ADGRB3: variants seen among roughly 807,000 people sequenced by gnomAD.
ADGRB3 encodes adhesion G protein-coupled receptor B3.
In ADGRB3, 37 loss-of-function variants were observed where a neutral mutation model predicts 193.4. The ratio of observed to expected loss-of-function variants is 0.19; its 90% CI spans 0.15 to 0.25. The LOEUF (loss-of-function observed/expected upper bound fraction) is 0.25, where lower values mean the gene tolerates loss of function less well. Ranked by LOEUF, ADGRB3 falls within the 10% of genes least tolerant of loss-of-function variation. The pLI, the probability that ADGRB3 is intolerant of heterozygous loss-of-function variation, is 1.00. For missense variants in ADGRB3, 1,637 were observed against 1,852.9 expected, an observed-to-expected ratio of 0.88 and a Z score of 2.14; for synonymous variants, 690 against 644.2, an observed-to-expected ratio of 1.07 and a Z score of -1.08.
At chr6:68,673,725 C>T (rs1261700310) in intron 3 of ADGRB3, among the ~76,000 whole-genome samples, 1 of 151,822 alleles carries the variant, frequency 6.6e-6, no homozygotes, top group Non-Finnish European at 1.5e-5. Context: ...GGGCTTTTTT[C>T]CAGACCCTTA....
chr6:68,661,261 T>C (rs1049782377), intron 3 of ADGRB3, among the ~76,000 whole-genome samples: 2 of 147,160 alleles, frequency 1.4e-5, no homozygotes, highest in Non-Finnish European at 3.0e-5. Context: ...TTTGCCATTA[T>C]TGGGAAGAAA....
intron 10 of ADGRB3, among the ~76,000 whole-genome samples, chr6:68,976,391 T>C (rs1209206786): frequency 6.6e-6 from 1 of 152,136 alleles, no homozygotes; most frequent in Non-Finnish European, 1.5e-5. Context: ...TCTGGAGAAT[T>C]ATTTCTGTCA....
chr6:68,835,806 G>A (rs1275744515), intron 3 of ADGRB3, among the ~76,000 whole-genome samples: 1 of 151,750 alleles, frequency 6.6e-6, no homozygotes, highest in East Asian at 1.9e-4. Context: ...TTTTTGCTTT[G>A]ATTTTGGTTA....
intron 15 of ADGRB3, among the ~76,000 whole-genome samples, chr6:69,060,245 TCTCTCC>T (rs1253660668): frequency 1.3e-5 from 2 of 151,438 alleles, no homozygotes; most frequent in South Asian, 2.1e-4. Context: ...TCTCTCTCTC[TCTCTCC>T]TCCTCTGTCT....
rs12199123 is a variant in ADGRB3 at position 68,791,051 on chromosome 6, A to C, written c.758-139508A>C. Among the ~76,000 whole-genome samples the C allele has an allele frequency of 4.8e-3, 178 of 37,104 alleles. 1 individual carries two copies. Among genetic ancestry groups the C allele is most frequent in the East Asian group, 0.045 (9 of 198 alleles). The allele number at this position is 37,104 out of a possible 152,430, so 24.3% of individuals were successfully genotyped here. On this transcript the variant is annotated intron_variant, in intron 3 of 31. Coordinates refer to ENST00000370598, the MANE Select transcript of ADGRB3 (RefSeq NM_001704.3). ...CAGCACAGTGAGACCACATCTCTTA[A>C]AAAAAAAAAAAAAAAGTCTTGTATC...
intron 17 of ADGRB3, among the ~76,000 whole-genome samples, chr6:69,199,696 C>T (rs75452214): frequency 0.091 from 13,817 of 152,006 alleles, 687 homozygotes; most frequent in Middle Eastern, 0.24. Context: ...AACAGTAACA[C>T]ATAGCTTGGG....
intron 3 of ADGRB3, among the ~76,000 whole-genome samples, chr6:68,724,429 G>T (rs963237842): frequency 6.6e-6 from 1 of 151,630 alleles, no homozygotes; most frequent in Non-Finnish European, 1.5e-5. Flanking sequence ...GTCCTAGGAA[G>T]AAAGTTCTAA....
chr6:69,089,988 C>G (rs901980550), intron 17 of ADGRB3, among the ~76,000 whole-genome samples: 19 of 152,206 alleles, frequency 1.2e-4, no homozygotes, highest in Non-Finnish European at 1.2e-4. Flanking sequence ...AGAATAACAA[C>G]CTCTTGGAGC....
At chr6:68,748,093 C>T (rs12197039) in intron 3 of ADGRB3, among the ~76,000 whole-genome samples, 59,846 of 151,634 alleles carry the variant, frequency 0.39, 12,477 homozygotes, top group African/African-American at 0.53. Context: ...TTGGGTCCCT[C>T]CCACACACAT....
rs184275706 is a variant in ADGRB3, at chr6:69,283,340, G to C, written c.2815-41532G>C. Among the ~76,000 whole-genome samples the C allele has an allele frequency of 1.2e-3, 188 of 152,286 alleles. 2 individuals carry two copies. In the South Asian group the frequency reaches 0.019, roughly 15 times the overall value. On this transcript the variant is annotated intron_variant, in intron 20 of 31. Transcript: ENST00000370598. ...AGAGAGCAGCCCAGACCTGGGGCCTGCAGACAATTTCATGCTTCACCCTTT... is the reference window on the plus strand; with the variant it reads ...AGAGAGCAGCCCAGACCTGGGGCCTCCAGACAATTTCATGCTTCACCCTTT...
chr6:69,202,076 C>T (rs1461112966), intron 17 of ADGRB3, among the ~76,000 whole-genome samples: 1 of 152,116 alleles, frequency 6.6e-6, no homozygotes, highest in Non-Finnish European at 1.5e-5. Context: ...AGTCCTTCCT[C>T]AGTGTTCTAC....
rs180703002 is a variant in ADGRB3 at position 69,211,983 on chromosome 6, A to G, written c.2481-21307A>G. ...GAGAAATGTACAGAGAGATAAGCTCAAGTTTATACTTTGTTATTTGATTTA... is the reference window on the plus strand; with the variant it reads ...GAGAAATGTACAGAGAGATAAGCTCGAGTTTATACTTTGTTATTTGATTTA... On this transcript the variant is annotated intron_variant, in intron 17 of 31. Coordinates refer to ENST00000370598, the MANE Select transcript of ADGRB3 (RefSeq NM_001704.3). Among the ~76,000 whole-genome samples, 3 of 152,330 alleles carry G rather than the reference A, an allele frequency of 2.0e-5. No homozygotes were observed. In the East Asian group the frequency reaches 5.8e-4, roughly 29 times the overall value.
intron 3 of ADGRB3, among the ~76,000 whole-genome samples, chr6:68,867,268 T>C (rs1253510660): frequency 6.6e-6 from 1 of 152,146 alleles, no homozygotes; most frequent in African/African-American, 2.4e-5. Context: ...GCTTCAGCCA[T>C]GGCTAAAAGG....
Position 68,940,547 on chromosome 6 carries a change from C to CTTT in ADGRB3, c.1031-3264_1031-3262dup. Among the ~76,000 whole-genome samples the CTTT allele has an allele frequency of 2.7e-4, 19 of 69,216 alleles. 3 individuals are homozygous for CTTT. Among genetic ancestry groups the CTTT allele is most frequent in the Non-Finnish European group, 3.6e-4 (14 of 38,648 alleles). The allele number at this position is 69,216 out of a possible 152,430, so 45.4% of individuals were successfully genotyped here. On this transcript the variant is annotated intron_variant, in intron 5 of 31. Coordinates refer to ENST00000370598, the MANE Select transcript of ADGRB3 (RefSeq NM_001704.3). ...CTGCAGGCTAAGGAATGCTTTTGAACTTTTTTTTTTTTTTTTTTTTTGCTA... is the reference window on the plus strand; with the variant it reads ...CTGCAGGCTAAGGAATGCTTTTGAACTTTTTTTTTTTTTTTTTTTTTTTTGCTA...
chr6:69,148,854 A>G (rs932162482), intron 17 of ADGRB3, among the ~76,000 whole-genome samples: 5 of 152,188 alleles, frequency 3.3e-5, no homozygotes, highest in African/African-American at 1.2e-4. Flanking sequence ...TAAATATGTC[A>G]TGCCACTTTC....
At chr6:69,178,702 T>A (rs1775500334) in intron 17 of ADGRB3, among the ~76,000 whole-genome samples, 2 of 152,216 alleles carry the variant, frequency 1.3e-5, no homozygotes, top group Admixed American at 6.5e-5. Flanking sequence ...TCTCCCTTAC[T>A]TATGAAGCTT....
intron 17 of ADGRB3, among the ~76,000 whole-genome samples, chr6:69,222,608 T>G (rs1265949967): frequency 6.6e-6 from 1 of 152,124 alleles, no homozygotes; most frequent in African/African-American, 2.4e-5. Flanking sequence ...AATGGCAAGC[T>G]TTTTGAAACT....
chr6:68,986,326 AACAC>A (rs1428922324), intron 10 of ADGRB3, among the ~76,000 whole-genome samples: 1 of 152,162 alleles, frequency 6.6e-6, no homozygotes, highest in Non-Finnish European at 1.5e-5. Flanking sequence ...AATGCTGTTC[AACAC>A]ACCATTCTGA....
At chr6:68,971,633 T>C (rs903421718) in intron 8 of ADGRB3, among the ~76,000 whole-genome samples, 2 of 152,202 alleles carry the variant, frequency 1.3e-5, no homozygotes, top group Non-Finnish European at 2.9e-5. Flanking sequence ...GAGATCCTGG[T>C]ACAAATCCCC....
Sources: gnomAD v4.1 joint callset for allele counts (sites outside exome capture counted in the v4.1 genomes callset) on GRCh38, gnomAD v4.1.1 for gene constraint, MANE v1.5 for transcripts, NCBI Gene and HGNC (gene_info 2026-07-23, HGNC 2026-07-21) for gene names.